Variants in EPHA5 observed in about 807,000 individuals in gnomAD.
EPHA5 encodes the protein EPH receptor A5, also known as ephrin type-A receptor 5.
Under a neutral mutation model 105.0 loss-of-function variants are expected in EPHA5, and 60 were observed. The ratio of observed to expected loss-of-function variants is 0.57; its 90% confidence interval spans 0.46 to 0.71. EPHA5 has a LOEUF of 0.71. Ranked by LOEUF, EPHA5 falls within the 30% of genes least tolerant of loss-of-function variation. The pLI is 0.00. For missense variants in EPHA5, 1,218 were observed against 1,274.7 expected, an observed-to-expected ratio of 0.96 and a Z score of 0.68; for synonymous variants, 513 against 449.1, an observed-to-expected ratio of 1.14 and a Z score of -1.80.
At position 65,555,602 on chromosome 4, in the gene EPHA5, T is replaced by C. The variant is rs561161097; in HGVS notation, c.910+46039A>G. Reference sequence around the variant, plus strand: ...TCTGTTTTCTCCAAAGTTACTAGTTTTGTTTTCTTTTGAATTTCACATATT... The same window carrying C: ...TCTGTTTTCTCCAAAGTTACTAGTTCTGTTTTCTTTTGAATTTCACATATT... On this transcript the variant is annotated intron_variant, in intron 3 of 16. Transcript: ENST00000613740. Among the ~76,000 whole-genome samples, 25 of 141,146 alleles carry C rather than the reference T, an allele frequency of 1.8e-4. 1 individual carries two copies. Among genetic ancestry groups the C allele is most frequent in the African/African-American group, 8.0e-4 (25 of 31,114 alleles). 92.6% of individuals were successfully genotyped at this position (141,146 alleles called of 152,430 possible). A position where few individuals can be genotyped will look rare whatever the true frequency, so the allele number is the denominator to read the frequency against.
intron 3 of EPHA5, among the ~76,000 whole-genome samples, chr4:65,525,205 T>C (rs979779965): frequency 2.0e-5 from 3 of 151,738 alleles, no homozygotes; most frequent in Non-Finnish European, 4.4e-5. Flanking sequence ...TATTAAAAGC[T>C]ATATTAAAGG....
chr4:65,648,758 T>C (rs1328911481), intron 1 of EPHA5, among the ~76,000 whole-genome samples: 3 of 152,204 alleles, frequency 2.0e-5, no homozygotes, highest in Admixed American at 6.5e-5. Context: ...GATTCAATTA[T>C]AACACACATT....
chr4:65,544,417 G>T (rs935938958), intron 3 of EPHA5, among the ~76,000 whole-genome samples: 1 of 151,690 alleles, frequency 6.6e-6, no homozygotes, highest in African/African-American at 2.4e-5. Context: ...GTGGGCATAC[G>T]ATATGAACAG....
At chr4:65,668,832 A>G (rs1006099299) in intron 1 of EPHA5, among the ~76,000 whole-genome samples, 18 of 151,894 alleles carry the variant, frequency 1.2e-4, no homozygotes, top group Admixed American at 1.1e-3. Flanking sequence ...GCAACTTCCT[A>G]GCAGCGACAC....
intron 3 of EPHA5, among the ~76,000 whole-genome samples, chr4:65,600,031 TAGAAACAAACAAC>T (rs1743561860): frequency 6.6e-6 from 1 of 152,174 alleles, no homozygotes; most frequent in Non-Finnish European, 1.5e-5. Flanking sequence ...TCTAAAATGA[TAGAAACAAACAAC>T]CAAATAGAGT....
At chr4:65,537,315 T>C (rs564843991) in intron 3 of EPHA5, among the ~76,000 whole-genome samples, 1 of 151,902 alleles carries the variant, frequency 6.6e-6, no homozygotes, top group South Asian at 2.1e-4. Flanking sequence ...ACTATATAAC[T>C]ATGTGGTGAG....
intron 5 of EPHA5, among the ~76,000 whole-genome samples, chr4:65,468,451 T>C (rs1728928931): frequency 6.8e-6 from 1 of 146,166 alleles, no homozygotes; most frequent in Non-Finnish European, 1.5e-5. Flanking sequence ...ACTGGAAAAA[T>C]AGCCAGGGGG....
chr4:65,487,382 C>A lies in EPHA5; in HGVS notation c.1402+2995G>T, dbSNP rs140528666. 8.5e-5 allele frequency among the ~76,000 whole-genome samples: 13 copies of A among 152,280 alleles called. No individual in the cohort carries two copies. In the East Asian group the frequency reaches 2.5e-3, roughly 29 times the overall value. ...CTAACTCCTATCTGAAACAAATCCC[C>A]TCCTTGCTTAGGGACCAGACAACAT... On this transcript the variant is annotated intron_variant, in intron 5 of 16. Transcript: ENST00000613740.
At chr4:65,546,978 C>T (rs983997595) in intron 3 of EPHA5, among the ~76,000 whole-genome samples, 5 of 151,926 alleles carry the variant, frequency 3.3e-5, no homozygotes, top group East Asian at 1.9e-4. Context: ...AATAATCATT[C>T]GTAAGTCCAC....
At chr4:65,470,346 C>G (rs1192664957) in intron 5 of EPHA5, among the ~76,000 whole-genome samples, 1 of 152,008 alleles carries the variant, frequency 6.6e-6, no homozygotes, top group Non-Finnish European at 1.5e-5. Context: ...TGTGTGCCAC[C>G]ATGCCTGGCT....
At chr4:65,594,277 T>G (rs933296908) in intron 3 of EPHA5, among the ~76,000 whole-genome samples, 2 of 152,144 alleles carry the variant, frequency 1.3e-5, no homozygotes, top group Non-Finnish European at 2.9e-5. Flanking sequence ...TTAATAAATG[T>G]TTATTATTAA....
chr4:65,500,246 T>A (rs1446049324), intron 3 of EPHA5, among the ~76,000 whole-genome samples: 1 of 151,360 alleles, frequency 6.6e-6, no homozygotes, highest in Non-Finnish European at 1.5e-5. Context: ...GAAAACATTA[T>A]GCCAGTCATT....
rs183645238 is a variant in EPHA5, at chr4:65,582,861, A to G, written c.910+18780T>C. Among the ~76,000 whole-genome samples, 15 of 151,880 alleles carry G rather than the reference A, an allele frequency of 9.9e-5. No homozygotes were observed. In the East Asian group the frequency reaches 2.9e-3, roughly 29 times the overall value. ...TGCTGGTTGGCTATCATTTGATTCT[A>G]TAACTTAGAATTACATAATAGATGA... On this transcript the variant is annotated intron_variant, in intron 3 of 16. Transcript: ENST00000613740.
intron 7 of EPHA5, among the ~76,000 whole-genome samples, chr4:65,408,869 T>C (rs896651032): frequency 2.0e-4 from 31 of 151,994 alleles, no homozygotes; most frequent in African/African-American, 6.5e-4. Context: ...TAAATCATGC[T>C]GCTATAAAGA....
chr4:65,423,407 G>A (rs944693662), intron 5 of EPHA5, among the ~76,000 whole-genome samples: 2 of 151,902 alleles, frequency 1.3e-5, no homozygotes, highest in Non-Finnish European at 2.9e-5. Flanking sequence ...CATTTAAGGA[G>A]TGGGAATTTA....
At chr4:65,425,614 T>C (rs2149048982) in intron 5 of EPHA5, among the ~76,000 whole-genome samples, 1 of 151,784 alleles carries the variant, frequency 6.6e-6, no homozygotes, top group South Asian at 2.1e-4. Context: ...AAAATATTAT[T>C]ATTACTATTT....
chr4:65,510,397 A>G (rs1166101272), intron 3 of EPHA5, among the ~76,000 whole-genome samples: 1 of 152,026 alleles, frequency 6.6e-6, no homozygotes, highest in African/African-American at 2.4e-5. Flanking sequence ...CTTAATTACT[A>G]TATTCTCCAT....
rs1719492829 is a variant in EPHA5 at position 65,319,757 on chromosome 4, CTA to C, written c.*4355_*4356del. 4.4e-6 allele frequency: 1 copy of C among 227,228 alleles called. No homozygotes were observed. Among genetic ancestry groups the C allele is most frequent in the African/African-American group, 2.2e-5 (1 of 44,996 alleles). The allele number at this position is 227,228 out of a possible 1,614,324, so 14.1% of individuals were successfully genotyped here. ...GATGTATATCATAGAATAAGATATGCTATATAGCTGCTTCTGACATGTCTGAA... is the reference window on the plus strand; with the variant it reads ...GATGTATATCATAGAATAAGATATGCTATAGCTGCTTCTGACATGTCTGAA... On this transcript the variant is annotated 3_prime_UTR_variant, in exon 17 of 17. Transcript: ENST00000613740.
intron 14 of EPHA5, among the ~76,000 whole-genome samples, chr4:65,347,285 T>C (rs994217895): frequency 6.6e-6 from 1 of 152,192 alleles, no homozygotes; most frequent in African/African-American, 2.4e-5. Context: ...AAATAGTGTA[T>C]GTCTCATGAT....
Sources: allele counts gnomAD v4.1 joint callset (sites outside exome capture counted in the v4.1 genomes callset), GRCh38; gene constraint gnomAD v4.1.1; transcripts MANE v1.5; gene names NCBI Gene and HGNC (gene_info 2026-07-23, HGNC 2026-07-21).